Variants in CYP7B1 observed in about 807,000 individuals in gnomAD.
The protein encoded by CYP7B1 is cytochrome P450 7B1.
A neutral mutation model predicts 42.7 loss-of-function variants in CYP7B1; 29 were observed. The observed-to-expected ratio is 0.68, with a 90% CI of 0.51 to 0.93. The LOEUF (loss-of-function observed/expected upper bound fraction) is 0.93, where lower values mean the gene tolerates loss of function less well. Ranked by LOEUF, CYP7B1 falls within the 40% of genes least tolerant of loss-of-function variation. The probability of loss-of-function intolerance (pLI) is 0.00; values close to 1 mark genes in which losing one functional copy is unlikely to be tolerated. For missense variants in CYP7B1, 655 were observed against 600.5 expected, an observed-to-expected ratio of 1.09 and a Z score of -0.95; for synonymous variants, 235 against 218.2, an observed-to-expected ratio of 1.08 and a Z score of -0.68.
chr8:64,717,404 A>T (rs917118679), intron 1 of CYP7B1, among the ~76,000 whole-genome samples: 11 of 152,204 alleles, frequency 7.2e-5, no homozygotes, highest in Non-Finnish European at 1.5e-4. Context: ...TTTACCATTC[A>T]TGAGTGCCAT....
downstream of CYP7B1, among the ~76,000 whole-genome samples, chr8:64,588,290 T>C (rs1804994851): frequency 1.3e-5 from 2 of 152,342 alleles, no homozygotes; most frequent in African/African-American, 4.8e-5. Context: ...CATAAACTGC[T>C]AACCACCCAT....
intron 2 of CYP7B1, among the ~76,000 whole-genome samples, chr8:64,621,993 C>T (rs1805538000): frequency 6.6e-6 from 1 of 151,912 alleles, no homozygotes; most frequent in Non-Finnish European, 1.5e-5. Context: ...CCACCCGCCT[C>T]AGACTGGCCA....
Position 64,665,559 on chromosome 8 carries a change from G to GTTTTTTT in CYP7B1, c.123-41027_123-41021dup, listed in dbSNP as rs540578806. On this transcript the variant is annotated intron_variant, in intron 1 of 5. Coordinates refer to ENST00000310193, the MANE Select transcript of CYP7B1 (RefSeq NM_004820.5). ...ATTTTAAGTGTTTTTTTTTTTGGTG[G>GTTTTTTT]TTTTTTTTTTTTTTTTTTTTTTTTT... 3.8e-3 allele frequency among the ~76,000 whole-genome samples: 196 copies of GTTTTTTT among 52,042 alleles called. 14 individuals are homozygous for GTTTTTTT. The highest frequency in any genetic ancestry group is 4.5e-3 in the Non-Finnish European group (142 of 31,364). The allele number at this position is 52,042 out of a possible 152,430, so 34.1% of individuals were successfully genotyped here.
intron 1 of CYP7B1, among the ~76,000 whole-genome samples, chr8:64,724,140 A>T (rs952510399): frequency 6.9e-6 from 1 of 145,632 alleles, no homozygotes; most frequent in Admixed American, 6.9e-5. Flanking sequence ...CAAAAGAATA[A>T]TTTTTTTTTT....
At chr8:64,676,804 T>C (rs762653929) in intron 1 of CYP7B1, among the ~76,000 whole-genome samples, 4 of 152,106 alleles carry the variant, frequency 2.6e-5, no homozygotes, top group Non-Finnish European at 5.9e-5. Context: ...CACTGCTTTC[T>C]TCCCCCAAGC....
chr8:64,791,837 A>T (rs1449677605), intron 1 of CYP7B1, among the ~76,000 whole-genome samples: 1 of 152,250 alleles, frequency 6.6e-6, no homozygotes, highest in African/African-American at 2.4e-5. Flanking sequence ...GGTAATGGGC[A>T]AATGCTAAAA....
intron 1 of CYP7B1, among the ~76,000 whole-genome samples, chr8:64,642,725 T>C (rs1235309344): frequency 2.0e-5 from 3 of 152,114 alleles, no homozygotes; most frequent in Non-Finnish European, 4.4e-5. Flanking sequence ...ACATACTTCT[T>C]TTCAGGGCAC....
intron 1 of CYP7B1, among the ~76,000 whole-genome samples, chr8:64,778,797 T>C (rs1457427499): frequency 6.6e-6 from 1 of 152,088 alleles, no homozygotes; most frequent in Non-Finnish European, 1.5e-5. Context: ...TCCTGCATCT[T>C]CTCTCCTGCT....
chr8:64,658,057 C>T (rs538790647), intron 1 of CYP7B1, among the ~76,000 whole-genome samples: 2 of 152,234 alleles, frequency 1.3e-5, no homozygotes, highest in East Asian at 1.9e-4. Context: ...GACCAAGCTT[C>T]CTGGGGTCTC....
In CYP7B1 at chr8:64,592,163, G is replaced by C. The variant is rs1805046181; in HGVS notation, c.*4479C>G. Among the ~76,000 whole-genome samples, 1 of 151,788 alleles carries C rather than the reference G, an allele frequency of 6.6e-6. No homozygotes were observed. Among genetic ancestry groups the C allele is most frequent in the African/African-American group, 2.4e-5 (1 of 41,350 alleles). ...AGATCATGCCACTGGACTCCAGCCT[G>C]GGCGACAGAGCAAGACTCCATCTAA... On this transcript the variant is annotated 3_prime_UTR_variant, in exon 6 of 6. Transcript: ENST00000310193.
chr8:64,792,564 A>C (rs1804636153), intron 1 of CYP7B1, among the ~76,000 whole-genome samples: 2 of 152,192 alleles, frequency 1.3e-5, no homozygotes, highest in Non-Finnish European at 2.9e-5. Flanking sequence ...AATCTTTTCA[A>C]TGACTAATAG....
chr8:64,772,863 G>A (rs1394732001), intron 1 of CYP7B1, among the ~76,000 whole-genome samples: 1 of 152,114 alleles, frequency 6.6e-6, no homozygotes, highest in Admixed American at 6.5e-5. Flanking sequence ...GGGACATCAA[G>A]CAACCCACCT....
chr8:64,648,241 T>C (rs1300773194), intron 1 of CYP7B1, among the ~76,000 whole-genome samples: 1 of 152,206 alleles, frequency 6.6e-6, no homozygotes, highest in Admixed American at 6.5e-5. Context: ...ATTTTGATCT[T>C]TTTTTCTAGG....
At chr8:64,701,777 G>A (rs1806919924) in intron 1 of CYP7B1, among the ~76,000 whole-genome samples, 2 of 151,890 alleles carry the variant, frequency 1.3e-5, no homozygotes. Flanking sequence ...AATAAGCAAC[G>A]GCAGTATAAA....
chr8:64,684,986 G>A (rs1563390111), intron 1 of CYP7B1, among the ~76,000 whole-genome samples: 2 of 152,212 alleles, frequency 1.3e-5, no homozygotes, highest in South Asian at 2.1e-4. Context: ...AATGTAAAAT[G>A]GAGCAGGCAT....
intron 4 of CYP7B1, among the ~76,000 whole-genome samples, chr8:64,613,420 T>C (rs1362804735): frequency 2.0e-5 from 3 of 152,186 alleles, no homozygotes; most frequent in Non-Finnish European, 4.4e-5. Flanking sequence ...ACTACATTTT[T>C]TAAGAGTAAT....
At chr8:64,645,235 C>T (rs1805932476) in intron 1 of CYP7B1, among the ~76,000 whole-genome samples, 2 of 151,338 alleles carry the variant, frequency 1.3e-5, no homozygotes, top group Admixed American at 6.6e-5. Flanking sequence ...ATGCATGTGT[C>T]TTTATAGCAG....
chr8:64,612,281 G>C (rs1030691205), intron 4 of CYP7B1, among the ~76,000 whole-genome samples: 3 of 151,648 alleles, frequency 2.0e-5, no homozygotes, highest in African/African-American at 7.3e-5. Context: ...TTCCTATTGA[G>C]ATTTAAGCCC....
intron 2 of CYP7B1, among the ~76,000 whole-genome samples, chr8:64,617,796 A>G (rs1805470214): frequency 6.6e-6 from 1 of 151,988 alleles, no homozygotes; most frequent in African/African-American, 2.4e-5. Flanking sequence ...AGATATTTCA[A>G]ATAAAGTTTT....
Sources: allele counts gnomAD v4.1 joint callset (sites outside exome capture counted in the v4.1 genomes callset), GRCh38; gene constraint gnomAD v4.1.1; transcripts MANE v1.5; gene names NCBI Gene and HGNC (gene_info 2026-07-23, HGNC 2026-07-21).